RORB: variants seen among roughly 807,000 people sequenced by gnomAD.
RORB encodes the protein nuclear receptor ROR-beta.
Under a neutral mutation model 59.1 loss-of-function variants are expected in RORB, and 6 were observed. The observed-to-expected ratio is 0.10, with a 90% CI of 0.06 to 0.20. The LOEUF (loss-of-function observed/expected upper bound fraction) is 0.20, where lower values mean the gene tolerates loss of function less well. Among genes scored for constraint, RORB ranks in the 10% least tolerant of loss-of-function variants. The probability of loss-of-function intolerance (pLI) is 1.00; values close to 1 mark genes in which losing one functional copy is unlikely to be tolerated. For synonymous variants in RORB, 215 were observed against 204.5 expected (o/e 1.05, Z -0.44); for missense variants, 320 against 560.5 (o/e 0.57, Z 4.33).
rs11792353 is a variant in RORB, at chr9:74,668,142, C to T, written c.1111+241C>T. Among the ~76,000 whole-genome samples, 1,454 of 152,238 alleles carry T rather than the reference C, an allele frequency of 9.6e-3. 9 individuals are homozygous for T. Among genetic ancestry groups the T allele is most frequent in the Non-Finnish European group, 0.016 (1,060 of 68,018 alleles). On this transcript the variant is annotated intron_variant, in intron 8 of 9. Transcript: ENST00000376896. ...TTAGGGGTTATTCCAGATTCAGATA[C>T]GCAGAATCATTCCTTAGCAAATAAA...
chr9:74,627,441 G>T (rs889763494), intron 1 of RORB, among the ~76,000 whole-genome samples: 1 of 152,098 alleles, frequency 6.6e-6, no homozygotes, highest in African/African-American at 2.4e-5. Context: ...AGGATTACAT[G>T]TTGAGTCTGG....
rs1431535924 is a variant in RORB at position 74,665,484 on chromosome 9, A to G, written c.893-4A>G. The G allele has an allele frequency of 1.9e-6, 3 of 1,575,076 alleles. No individual in the cohort carries two copies. In the South Asian group the frequency reaches 3.5e-5, roughly 18 times the overall value. Reference sequence around the variant, plus strand: ...TTATTTTTATTTTTATTTTTTACTCATAGGTTGCTTGGAAGTGGTTTTAGT... The same window carrying G: ...TTATTTTTATTTTTATTTTTTACTCGTAGGTTGCTTGGAAGTGGTTTTAGT... On this transcript the variant is annotated splice_polypyrimidine_tract_variant and splice_region_variant and intron_variant, in intron 6 of 9. Coordinates refer to ENST00000376896, the MANE Select transcript of RORB (RefSeq NM_006914.4).
chr9:74,516,275 A>G (rs975615122), intron 1 of RORB, among the ~76,000 whole-genome samples: 1 of 152,040 alleles, frequency 6.6e-6, no homozygotes, highest in South Asian at 2.1e-4. Context: ...GTGGCTTAAC[A>G]TTGTTCTTGA....
chr9:74,611,482 T>G (rs1823231125), intron 1 of RORB, among the ~76,000 whole-genome samples: 1 of 151,986 alleles, frequency 6.6e-6, no homozygotes, highest in African/African-American at 2.4e-5. Flanking sequence ...CCACTAAACA[T>G]CAGCAAGCAA....
chr9:74,676,335 AG>A (rs1824441018), intron 9 of RORB, among the ~76,000 whole-genome samples: 1 of 152,202 alleles, frequency 6.6e-6, no homozygotes, highest in African/African-American at 2.4e-5. Flanking sequence ...TCTTGCCCAA[AG>A]CTGTATTGAG....
rs1325364193 is a variant in RORB, at chr9:74,526,997, T to A, written c.7+29014T>A. ...GATTAAAGAGCTAAATTCCATCAAG[T>A]GCCAATATTATATGTTGATAGATTT... On this transcript the variant is annotated intron_variant, in intron 1 of 9. Coordinates refer to ENST00000376896, the MANE Select transcript of RORB (RefSeq NM_006914.4). Among the ~76,000 whole-genome samples the A allele has an allele frequency of 2.0e-5, 3 of 151,882 alleles. No individual in the cohort carries two copies. In the East Asian group the frequency reaches 5.8e-4, roughly 30 times the overall value.
At chr9:74,592,506 GAC>G (rs1822914785) in intron 1 of RORB, among the ~76,000 whole-genome samples, 1 of 152,082 alleles carries the variant, frequency 6.6e-6, no homozygotes, top group Non-Finnish European at 1.5e-5. Context: ...CGAAATAGTT[GAC>G]TTACATGCTG....
chr9:74,676,565 T>A (rs1251006339), intron 9 of RORB, among the ~76,000 whole-genome samples: 2 of 152,256 alleles, frequency 1.3e-5, no homozygotes, highest in Non-Finnish European at 2.9e-5. Flanking sequence ...CCATGTGCTT[T>A]ACATGCAAGC....
intron 4 of RORB, among the ~76,000 whole-genome samples, chr9:74,648,090 C>T (rs1011512264): frequency 3.9e-5 from 6 of 151,940 alleles, no homozygotes; most frequent in African/African-American, 1.2e-4. Flanking sequence ...GGTAACTGTC[C>T]GATACATCAT....
At position 74,677,146 on chromosome 9, in the gene RORB, A is replaced by G. The variant is rs1824457209; in HGVS notation, c.1224+5245A>G. Among the ~76,000 whole-genome samples the G allele has an allele frequency of 2.6e-5, 4 of 152,208 alleles. 1 individual carries two copies. The South Asian group carries it at 8.3e-4, about 32-fold the overall frequency. On this transcript the variant is annotated intron_variant, in intron 9 of 9. Transcript: ENST00000376896. ...AGACATAATCCATACAGGCTACGAC[A>G]TAGAGAGAGTAGATTGATCTAACTC... is the stretch of plus-strand genomic sequence containing the variant.
At chr9:74,603,321 G>A (rs1823097896) in intron 1 of RORB, among the ~76,000 whole-genome samples, 1 of 152,144 alleles carries the variant, frequency 6.6e-6, no homozygotes, top group African/African-American at 2.4e-5. Flanking sequence ...ATGCTCAGTA[G>A]CAACCACCAT....
At chr9:74,663,960 A>G (rs1219366200) in intron 6 of RORB, among the ~76,000 whole-genome samples, 2 of 152,204 alleles carry the variant, frequency 1.3e-5, no homozygotes, top group Non-Finnish European at 2.9e-5. Flanking sequence ...TATTTCCATT[A>G]TATACCATCA....
At chr9:74,631,016 T>C (rs1362947123) in intron 2 of RORB, among the ~76,000 whole-genome samples, 1 of 152,172 alleles carries the variant, frequency 6.6e-6, no homozygotes, top group Non-Finnish European at 1.5e-5. Flanking sequence ...GAACAGAGCA[T>C]GGCCAAAAAC....
chr9:74,507,756 C>T (rs976353581), intron 1 of RORB, among the ~76,000 whole-genome samples: 1 of 151,964 alleles, frequency 6.6e-6, no homozygotes, highest in African/African-American at 2.4e-5. Context: ...AAAATTATTA[C>T]ACAAAACATT....
At chr9:74,658,004 CAAAAAAA>C (rs60719147) in intron 4 of RORB, among the ~76,000 whole-genome samples, 88 of 97,814 alleles carry the variant, frequency 9.0e-4, no homozygotes, top group Middle Eastern at 0.013. Flanking sequence ...GACTCGGTCT[CAAAAAAA>C]AAAAAAAAAA....
chr9:74,642,565 C>G lies in RORB; in HGVS notation c.387C>G (p.Gly129=). Reference sequence around the variant, plus strand: ...TGTACAGCAGCAGCATTAGCAACGGCCTGAGCAACCTGAACAACGAGACCA... The same window carrying G: ...TGTACAGCAGCAGCATTAGCAACGGGCTGAGCAACCTGAACAACGAGACCA... ...ARVYSSSISN[G]LSNLNNETSG... Residue 129 remains glycine (G), a synonymous_variant, in exon 4 of 10, where the codon GGC becomes GGG. Coordinates refer to ENST00000376896, the MANE Select transcript of RORB (RefSeq NM_006914.4). The G allele has an allele frequency of 1.2e-6, 2 of 1,614,196 alleles. No homozygotes were observed. Among genetic ancestry groups the G allele is most frequent in the Non-Finnish European group, 1.7e-6 (2 of 1,180,032 alleles).
At chr9:74,612,767 G>A (rs568620166) in intron 1 of RORB, among the ~76,000 whole-genome samples, 1 of 152,278 alleles carries the variant, frequency 6.6e-6, no homozygotes, top group South Asian at 2.1e-4. Flanking sequence ...TAACCTTGAA[G>A]TAGTTCACAG....
intron 1 of RORB, among the ~76,000 whole-genome samples, chr9:74,569,604 G>A (rs764743494): frequency 1.3e-5 from 2 of 151,988 alleles, no homozygotes; most frequent in African/African-American, 2.4e-5. Flanking sequence ...ACAAATACTA[G>A]CCTTAAAGGT....
chr9:74,668,883 A>T (rs1187084731), intron 8 of RORB, among the ~76,000 whole-genome samples: 2 of 152,128 alleles, frequency 1.3e-5, no homozygotes. Context: ...TTTTAAAAGG[A>T]GGTGAGGACA....
Sources: allele counts gnomAD v4.1 joint callset (sites outside exome capture counted in the v4.1 genomes callset), GRCh38; gene constraint gnomAD v4.1.1; transcripts MANE v1.5; gene names NCBI Gene and HGNC (gene_info 2026-07-23, HGNC 2026-07-21).